ADAM12: variants seen among roughly 807,000 people sequenced by gnomAD.
ADAM12 encodes the protein ADAM metallopeptidase domain 12, also known as disintegrin and metalloproteinase domain-containing protein 12.
ADAM12 carries 70 observed loss-of-function variants against 106.4 expected under a neutral mutation model. That is an observed-to-expected ratio of 0.66 (90% CI 0.54 to 0.80). The LOEUF (loss-of-function observed/expected upper bound fraction) is 0.80, where lower values mean the gene tolerates loss of function less well. Among genes scored for constraint, ADAM12 ranks in the 30% least tolerant of loss-of-function variants. The pLI is 0.00. For missense variants in ADAM12, 1,010 were observed against 1,171.9 expected (o/e 0.86, Z 2.02); for synonymous variants, 420 against 433.5 (o/e 0.97, Z 0.39).
chr10:126,386,518 T>C (rs1219863174), intron 1 of ADAM12, among the ~76,000 whole-genome samples: 1 of 152,186 alleles, frequency 6.6e-6, no homozygotes, highest in Non-Finnish European at 1.5e-5. Context: ...TTCAAAGTGC[T>C]TAGGCCTCCC....
intron 5 of ADAM12, 22 bp from the exon 6 acceptor site, chr10:126,118,246 A>C: frequency 2.5e-6 from 4 of 1,575,602 alleles, no homozygotes; most frequent in Non-Finnish European, 3.5e-6. Flanking sequence ...GAAACAAGAA[A>C]AAATATATAA....
At chr10:126,150,368 TC>T (rs900425083) in intron 4 of ADAM12, among the ~76,000 whole-genome samples, 1 of 152,238 alleles carries the variant, frequency 6.6e-6, no homozygotes, top group Non-Finnish European at 1.5e-5. Flanking sequence ...TCCATCTTTC[TC>T]TGTACTCTAG....
At chr10:126,027,053 AATG>A (rs1185349466) in intron 21 of ADAM12, among the ~76,000 whole-genome samples, 5 of 152,310 alleles carry the variant, frequency 3.3e-5, no homozygotes, top group Middle Eastern at 3.4e-3. Context: ...CACAATCAGA[AATG>A]ATAAGGGGGA....
At chr10:126,319,742 A>G (rs561664962) in intron 2 of ADAM12, among the ~76,000 whole-genome samples, 1 of 152,202 alleles carries the variant, frequency 6.6e-6, no homozygotes, top group Non-Finnish European at 1.5e-5. Context: ...GTTAATTGTG[A>G]CAAGTGTAAC....
At chr10:126,127,616 C>A (rs564742613) in intron 5 of ADAM12, among the ~76,000 whole-genome samples, 1 of 152,190 alleles carries the variant, frequency 6.6e-6, no homozygotes, top group Non-Finnish European at 1.5e-5. Flanking sequence ...GTTGCAGGCA[C>A]CTCGTAGAAT....
At chr10:126,071,954 C>T (rs1955004351) in intron 11 of ADAM12, among the ~76,000 whole-genome samples, 1 of 152,184 alleles carries the variant, frequency 6.6e-6, no homozygotes, top group Non-Finnish European at 1.5e-5. Flanking sequence ...TCATTAAAGA[C>T]ATTATTAATA....
rs1238841255 is a variant in ADAM12, at chr10:126,108,649, T to C, written c.685A>G (p.Lys229Glu). The change falls in exon 8 of 23, where the codon AAA becomes GAA. Residue 229 changes from lysine (K) to glutamate (E), a missense_variant. Around this residue, in one of 3 missense-constraint regions of ADAM12, gnomAD observed 391 missense variants for 442.9 expected, o/e 0.88. Coordinates refer to ENST00000448723, the MANE Select transcript of ADAM12 (RefSeq NM_001288973.2). ...CGCTGCTTAACTTTTTCCAGATCTT[T>C]TCCTTGCCTCTGAAACTTAACAATT... is the stretch of plus-strand genomic sequence containing the variant. ...ADNREFQRQG[K>E]DLEKVKQRLI... The C allele has an allele frequency of 6.2e-7, 1 of 1,613,940 alleles. No individual in the cohort carries two copies. The highest frequency in any genetic ancestry group is 1.3e-5 in the African/African-American group (1 of 74,944).
intron 3 of ADAM12, among the ~76,000 whole-genome samples, chr10:126,262,395 C>G (rs13377100): frequency 6.6e-6 from 1 of 152,126 alleles, no homozygotes; most frequent in Non-Finnish European, 1.5e-5. Flanking sequence ...CAAAGAGTGG[C>G]CACTTTCCTT....
At chr10:126,030,728 T>C (rs746319473) in intron 21 of ADAM12, among the ~76,000 whole-genome samples, 1 of 152,164 alleles carries the variant, frequency 6.6e-6, no homozygotes, top group Non-Finnish European at 1.5e-5. Context: ...TTGTGTCTGA[T>C]GAATAATTAG....
chr10:126,219,278 A>C (rs933956734), intron 3 of ADAM12, among the ~76,000 whole-genome samples: 2 of 152,230 alleles, frequency 1.3e-5, no homozygotes, highest in Non-Finnish European at 2.9e-5. Context: ...AGTCGTCCTT[A>C]GCGCCTCGAA....
At chr10:126,026,050 A>G (rs780405709) in intron 21 of ADAM12, among the ~76,000 whole-genome samples, 3 of 152,158 alleles carry the variant, frequency 2.0e-5, no homozygotes, top group Non-Finnish European at 2.9e-5. Context: ...ATCTGGCCCA[A>G]TATCATCTAG....
chr10:126,262,327 T>A (rs11244919), intron 3 of ADAM12, among the ~76,000 whole-genome samples: 1 of 151,922 alleles, frequency 6.6e-6, no homozygotes, highest in Non-Finnish European at 1.5e-5. Context: ...TGCCAATGAT[T>A]ATAGGAAAAA....
At chr10:126,275,480 T>C (rs886189452) in intron 3 of ADAM12, among the ~76,000 whole-genome samples, 1 of 152,204 alleles carries the variant, frequency 6.6e-6, no homozygotes, top group African/African-American at 2.4e-5. Flanking sequence ...TAATAAAAAT[T>C]CAGCCCTGTG....
At chr10:126,042,037 G>A in intron 18 of ADAM12, 1 of 1,505,134 alleles carries the variant, frequency 6.6e-7, no homozygotes, top group East Asian at 2.4e-5. Flanking sequence ...CGATGGCAAA[G>A]CCACAGAGTC....
chr10:126,357,691 A>C (rs897847553), intron 1 of ADAM12, among the ~76,000 whole-genome samples: 2 of 152,156 alleles, frequency 1.3e-5, no homozygotes, highest in Admixed American at 6.5e-5. Flanking sequence ...AGAAGTGCCG[A>C]GCAAAACGGG....
intron 2 of ADAM12, among the ~76,000 whole-genome samples, chr10:126,304,565 G>A (rs1423541752): frequency 6.6e-6 from 1 of 151,986 alleles, no homozygotes; most frequent in Non-Finnish European, 1.5e-5. Flanking sequence ...AACTGAAAGA[G>A]CAAAGAGCAG....
intron 2 of ADAM12, among the ~76,000 whole-genome samples, chr10:126,305,959 A>G (rs1960826618): frequency 6.6e-6 from 1 of 151,970 alleles, no homozygotes; most frequent in Admixed American, 6.5e-5. Flanking sequence ...AGGAAGTTCT[A>G]TATTTATATA....
At chr10:126,099,935 G>T (rs1411673829) in intron 9 of ADAM12, among the ~76,000 whole-genome samples, 1 of 151,800 alleles carries the variant, frequency 6.6e-6, no homozygotes, top group African/African-American at 2.4e-5. Context: ...ATAAAAATTT[G>T]TCACTTCTAG....
chr10:126,258,010 C>A (rs1347772255), intron 3 of ADAM12, among the ~76,000 whole-genome samples: 2 of 152,058 alleles, frequency 1.3e-5, no homozygotes, highest in African/African-American at 4.8e-5. Flanking sequence ...GAGAAGATAC[C>A]AAAAGGATTT....
Sources: gnomAD v4.1 joint callset for allele counts (sites outside exome capture counted in the v4.1 genomes callset) on GRCh38, gnomAD v4.1.1 for gene constraint, gnomAD v4.1.1 regional missense constraint, MANE v1.5 for transcripts, NCBI Gene and HGNC (gene_info 2026-07-23, HGNC 2026-07-21) for gene names.